Variants in MEX3D observed in about 807,000 individuals in gnomAD.
The protein encoded by MEX3D is RNA-binding protein MEX3D.
A neutral mutation model predicts 6.3 loss-of-function variants in MEX3D; 4 were observed. The ratio of observed to expected loss-of-function variants is 0.64; its 90% CI spans 0.31 to 1.46. The LOEUF (loss-of-function observed/expected upper bound fraction) is 1.46. Among genes scored for constraint, MEX3D ranks in the 40% most tolerant of loss-of-function variants. The probability of loss-of-function intolerance (pLI) is 0.07; values close to 1 mark genes in which losing one functional copy is unlikely to be tolerated. For missense variants in MEX3D, 1,038 were observed against 994.4 expected (o/e 1.04, Z -0.59); for synonymous variants, 626 against 494.1 (o/e 1.27, Z -3.54).
At chr19:1,564,258 C>T (rs72618596) in intron 1 of MEX3D, among the ~76,000 whole-genome samples, 6,432 of 152,074 alleles carry the variant, frequency 0.042, 478 homozygotes, top group East Asian at 0.35. Context: ...AATGGCCAGG[C>T]GCAGTGGCTC....
chr19:1,555,434 C>CA lies in MEX3D; in HGVS notation c.*128dup, dbSNP rs749154466. 2.0e-6 allele frequency: 3 copies of CA among 1,470,170 alleles called. No homozygotes were observed. In the East Asian group the frequency reaches 8.3e-5, roughly 41 times the overall value. 91.1% of individuals were successfully genotyped at this position (1,470,170 alleles called of 1,614,324 possible). On this transcript the variant is annotated 3_prime_UTR_variant, in exon 2 of 2. Coordinates refer to ENST00000402693, the MANE Select transcript of MEX3D (RefSeq NM_203304.4). ...TCATCTGTAAACACTGGCCGCCGCC[C>CA]ACCCCCCTGCCCCCTCGGCCTCCGC...
rs1211005579 is a variant in MEX3D at position 1,556,246 on chromosome 19, T to C, written c.1273A>G (p.Ser425Gly). The change falls in exon 2 of 2, where the codon AGC becomes GGC. Residue 425 changes from serine (S) to glycine (G), a missense_variant. Around this residue, in one of 5 missense-constraint regions of MEX3D, gnomAD observed 581 missense variants for 516.2 expected, o/e 1.13. Coordinates refer to ENST00000402693, the MANE Select transcript of MEX3D (RefSeq NM_203304.4). The surrounding 1 kb of genome is among the most constrained non-coding windows in gnomAD (Gnocchi z 7.5). ...GCGAAGCCCCCGTTGCCGGAGCCGC[T>C]GTAGGGGCTGGCGGGGCCTGGGTCC... ...VPDPGPASPY[S>G]GSGNGGFAFG... 3 of 1,376,728 alleles carry C rather than the reference T, an allele frequency of 2.2e-6. No homozygotes were observed. The highest frequency in any genetic ancestry group is 2.8e-6 in the Non-Finnish European group (3 of 1,068,200). 85.3% of individuals were successfully genotyped at this position (1,376,728 alleles called of 1,614,324 possible).
chr19:1,556,259 G>A lies in MEX3D; in HGVS notation c.1260C>T (p.Pro420=), dbSNP rs1456343546. The change falls in exon 2 of 2, where the codon CCC becomes CCT. Residue 420 remains proline, a synonymous_variant. Transcript: ENST00000402693. The surrounding 1 kb of genome is among the most constrained non-coding windows in gnomAD (Gnocchi z 7.5). ...TGCCGGAGCCGCTGTAGGGGCTGGCGGGGCCTGGGTCCGGCACGGAGGGGC... is the reference window on the plus strand; with the variant it reads ...TGCCGGAGCCGCTGTAGGGGCTGGCAGGGCCTGGGTCCGGCACGGAGGGGC... ...RGGPSVPDPG[P]ASPYSGSGNG... 10 of 1,348,288 alleles carry A rather than the reference G, an allele frequency of 7.4e-6. No homozygotes were observed. The highest frequency in any genetic ancestry group is 3.6e-5 in the East Asian group (1 of 27,606). The allele number at this position is 1,348,288 out of a possible 1,614,324, so 83.5% of individuals were successfully genotyped here. A position where few individuals can be genotyped will look rare whatever the true frequency, so the allele number is the denominator to read the frequency against.
At position 1,555,985 on chromosome 19, in the gene MEX3D, G is replaced by A. The variant is rs1041096650; in HGVS notation, c.1534C>T (p.Arg512Cys). The A allele has an allele frequency of 1.4e-5, 17 of 1,175,176 alleles. No individual in the cohort carries two copies. The highest frequency in any genetic ancestry group is 1.6e-5 in the African/African-American group (1 of 60,702). 72.8% of individuals were successfully genotyped at this position (1,175,176 alleles called of 1,614,324 possible). A position where few individuals can be genotyped will look rare whatever the true frequency, so the allele number is the denominator to read the frequency against. Residue 512 changes from arginine (R) to cysteine (C), a missense_variant, in exon 2 of 2, where the codon CGC (arginine) becomes TGC (cysteine). Physicochemically the swap from Arg to Cys is radical, Grantham distance 180 (BLOSUM62 -3). Around this residue, in one of 5 missense-constraint regions of MEX3D, gnomAD observed 581 missense variants for 516.2 expected, o/e 1.13. Coordinates refer to ENST00000402693, the MANE Select transcript of MEX3D (RefSeq NM_203304.4). ...ARRSSGAGTP[R>C]HSPTLPEPGG... ...GGCTCGGGCAGCGTGGGCGAGTGGC[G>A]GGGGGTCCCGGCCCCACTGCTGCGC... is the stretch of plus-strand genomic sequence containing the variant.
Position 1,564,847 on chromosome 19 carries a change from A to G in MEX3D, c.595+2617T>C, listed in dbSNP as rs376911392. On this transcript the variant is annotated intron_variant, in intron 1 of 1. Transcript: ENST00000402693. ...TCAGAGAGCCCCAGGGTGGAGAGGA[A>G]GGTGAGTAAAGGGGCAGGGCCGGGG... Among the ~76,000 whole-genome samples, 17 of 151,398 alleles carry G rather than the reference A, an allele frequency of 1.1e-4. No homozygotes were observed. In the East Asian group the frequency reaches 2.8e-3, roughly 25 times the overall value.
At chr19:1,558,049 CAAA>C (rs35362564) in intron 1 of MEX3D, among the ~76,000 whole-genome samples, 5 of 83,832 alleles carry the variant, frequency 6.0e-5, no homozygotes, top group Admixed American at 4.2e-4. Context: ...GACTCCATTT[CAAA>C]AAAAAAAAAA....
Position 1,568,094 on chromosome 19 carries a change from C to T in MEX3D, c.-36G>A. 1 of 978,354 alleles carries T rather than the reference C, an allele frequency of 1.0e-6. No individual in the cohort carries two copies. Among genetic ancestry groups the T allele is most frequent in the Non-Finnish European group, 1.2e-6 (1 of 827,584 alleles). 60.6% of individuals were successfully genotyped at this position (978,354 alleles called of 1,614,324 possible). A position where few individuals can be genotyped will look rare whatever the true frequency, so the allele number is the denominator to read the frequency against. The stretch of plus-strand genomic sequence containing the variant: ...AGCGCTGGGGCCCGCGCTCCTGCCG[C>T]CCGCGCCGCCGCCGCCGCCCGCGCC... On this transcript the variant is annotated 5_prime_UTR_variant, in exon 1 of 2. Coordinates refer to ENST00000402693, the MANE Select transcript of MEX3D (RefSeq NM_203304.4).
At chr19:1,557,026 C>T in intron 1 of MEX3D, 103 bp from the exon 2 acceptor site, 2 of 1,369,044 alleles carry the variant, frequency 1.5e-6, no homozygotes, top group Non-Finnish European at 2.0e-6. Flanking sequence ...GCCCCTACCT[C>T]CCAGCCTGTG....
In MEX3D at chr19:1,567,513, G is replaced by A; in HGVS notation, c.546C>T (p.Cys182=). ...CGTGCTCGGAGCTGGGCACCGGGAC[G>A]CACTCGGTCATGTTGACGCTTTTCT... The part of the protein sequence containing the change: ...SRKKSVNMTE[C]VPVPSSEHVA... Residue 182 remains cysteine (C), a synonymous_variant, in exon 1 of 2, where the codon TGC becomes TGT. Coordinates refer to ENST00000402693, the MANE Select transcript of MEX3D (RefSeq NM_203304.4). This position sits in a 1 kb window ranked among gnomAD's most constrained non-coding sequence, Gnocchi z 6.5. 6.4e-7 allele frequency: 1 copy of A among 1,571,514 alleles called. No homozygotes were observed. The highest frequency in any genetic ancestry group is 8.6e-7 in the Non-Finnish European group (1 of 1,160,226).
Position 1,555,399 on chromosome 19 carries a change from C to T in MEX3D, c.*164G>A, listed in dbSNP as rs781023437. 6.2e-7 allele frequency: 1 copy of T among 1,600,662 alleles called. No individual in the cohort carries two copies. The highest frequency in any genetic ancestry group is 8.5e-7 in the Non-Finnish European group (1 of 1,173,518). On this transcript the variant is annotated 3_prime_UTR_variant, in exon 2 of 2. Coordinates refer to ENST00000402693, the MANE Select transcript of MEX3D (RefSeq NM_203304.4). ...GTCTCCGTCTCCACGCCTGAGGCGG[C>T]AGTTAAAGCTCATCTGTAAACACTG...
In MEX3D at chr19:1,567,940, T is replaced by C. The variant is rs890595900; in HGVS notation, c.119A>G (p.Gln40Arg). 3.1e-5 allele frequency: 30 copies of C among 971,912 alleles called. No homozygotes were observed. Among genetic ancestry groups the C allele is most frequent in the South Asian group, 2.8e-4 (6 of 21,288 alleles). 60.2% of individuals were successfully genotyped at this position (971,912 alleles called of 1,614,324 possible). A position where few individuals can be genotyped will look rare whatever the true frequency, so the allele number is the denominator to read the frequency against. ...CGGCCGGGGCGCGGGCGCGGCCTCC[T>C]GGGCGCCCTCGGGCGGGGGCGCAGG... is the stretch of plus-strand genomic sequence containing the variant. ...PGPAPPPEGAQEAAPAPRPPP... is the reference protein window; with the variant it reads ...PGPAPPPEGAREAAPAPRPPP... Residue 40 changes from glutamine to arginine, a missense_variant, in exon 1 of 2, where the codon CAG becomes CGG. Gln to Arg is a conservative substitution (Grantham distance 43, BLOSUM62 1). Coordinates refer to ENST00000402693, the MANE Select transcript of MEX3D (RefSeq NM_203304.4). The surrounding 1 kb of genome is among the most constrained non-coding windows in gnomAD (Gnocchi z 6.5).
rs868695907 is a variant in MEX3D at position 1,556,735 on chromosome 19, C to A, written c.784G>T (p.Gly262Cys). 6.2e-7 allele frequency: 1 copy of A among 1,611,586 alleles called. No homozygotes were observed. Among genetic ancestry groups the A allele is most frequent in the Non-Finnish European group, 8.5e-7 (1 of 1,179,392 alleles). ...AGGTTGGGCGGGCCCTGGGCGGCGC[C>A]GGGCAGACCCCCGGCCTTGCTGCGC... Reference protein sequence around the residue: ...ATRSKAGGLPGAAQGPPNLPG... With the variant: ...ATRSKAGGLPCAAQGPPNLPG... The change falls in exon 2 of 2, where the codon GGC becomes TGC. Residue 262 changes from glycine (G) to cysteine (C), a missense_variant. Physicochemically the swap from Gly to Cys is radical, Grantham distance 159 (BLOSUM62 -3). Coordinates refer to ENST00000402693, the MANE Select transcript of MEX3D (RefSeq NM_203304.4). This position sits in a 1 kb window ranked among gnomAD's most constrained non-coding sequence, Gnocchi z 7.5.
Position 1,555,842 on chromosome 19 carries a change from G to A in MEX3D, c.1677C>T (p.Ser559=). 4 of 1,342,388 alleles carry A rather than the reference G, an allele frequency of 3.0e-6. No homozygotes were observed. The South Asian group carries it at 5.3e-5, about 18-fold the overall frequency. The allele number at this position is 1,342,388 out of a possible 1,614,324, so 83.2% of individuals were successfully genotyped here. The change falls in exon 2 of 2, where the codon TCC becomes TCT. Residue 559 remains serine, a synonymous_variant. Coordinates refer to ENST00000402693, the MANE Select transcript of MEX3D (RefSeq NM_203304.4). The stretch of plus-strand genomic sequence containing the variant: ...GGCTGCTGGGCAGCGAGGTGGCCGT[G>A]GAGAAGGCGGCGCCGCCTGGGAAGG... ...PVSFPGGAAF[S]TATSLPSSPA...
At position 1,567,354 on chromosome 19, in the gene MEX3D, T is replaced by C; in HGVS notation, c.595+110A>G. On this transcript the variant is annotated intron_variant, in intron 1 of 1. Coordinates refer to ENST00000402693, the MANE Select transcript of MEX3D (RefSeq NM_203304.4). The surrounding 1 kb of genome is among the most constrained non-coding windows in gnomAD (Gnocchi z 6.5). Reference sequence around the variant, plus strand: ...GAGGCCGGAGCCCACGCGGGGCGTGTCCGGTGCGGGGCGTCCGGCGCGGGC... The same window carrying C: ...GAGGCCGGAGCCCACGCGGGGCGTGCCCGGTGCGGGGCGTCCGGCGCGGGC... The C allele has an allele frequency of 8.1e-7, 1 of 1,241,892 alleles. No individual in the cohort carries two copies. Among genetic ancestry groups the C allele is most frequent in the Non-Finnish European group, 1.0e-6 (1 of 963,720 alleles). 76.9% of individuals were successfully genotyped at this position (1,241,892 alleles called of 1,614,324 possible). A position where few individuals can be genotyped will look rare whatever the true frequency, so the allele number is the denominator to read the frequency against.
In MEX3D at chr19:1,567,957, G is replaced by T; in HGVS notation, c.102C>A (p.Pro34=). 1 of 978,702 alleles carries T rather than the reference G, an allele frequency of 1.0e-6. No homozygotes were observed. Among genetic ancestry groups the T allele is most frequent in the South Asian group, 4.6e-5 (1 of 21,968 alleles). The allele number at this position is 978,702 out of a possible 1,614,324, so 60.6% of individuals were successfully genotyped here. ...AGEDPGPGPA[P]PPEGAQEAAP... Reference sequence around the variant, plus strand: ...CGGCCTCCTGGGCGCCCTCGGGCGGGGGCGCAGGTCCGGGTCCGGGGTCCT... The same window carrying T: ...CGGCCTCCTGGGCGCCCTCGGGCGGTGGCGCAGGTCCGGGTCCGGGGTCCT... The change falls in exon 1 of 2, where the codon CCC becomes CCA. Residue 34 remains proline, a synonymous_variant. Coordinates refer to ENST00000402693, the MANE Select transcript of MEX3D (RefSeq NM_203304.4). The surrounding 1 kb of genome is among the most constrained non-coding windows in gnomAD (Gnocchi z 6.5).
At chr19:1,559,696 G>C (rs1256769509) in intron 1 of MEX3D, among the ~76,000 whole-genome samples, 2 of 152,232 alleles carry the variant, frequency 1.3e-5, no homozygotes, top group Admixed American at 1.3e-4. Flanking sequence ...CTCCCACAGT[G>C]CAAGAGATGA....
Position 1,567,787 on chromosome 19 carries a change from C to CCACGCCG in MEX3D, c.271_272insCGGCGTG (p.Gly91AlafsTer20). On this transcript the variant is annotated frameshift_variant, in exon 1 of 2. Transcript: ENST00000402693. LOFTEE classifies it high-confidence loss of function. The surrounding 1 kb of genome is among the most constrained non-coding windows in gnomAD (Gnocchi z 6.5). ...CGGAGCCGCCCCGCCGTCCGCGCCC[C>CCACGCCG]CCGCCGCCGCTGCGCCGTCCCCGGC... is the stretch of plus-strand genomic sequence containing the variant. 1 of 964,956 alleles carries CCACGCCG rather than the reference C, an allele frequency of 1.0e-6. No individual in the cohort carries two copies. The highest frequency in any genetic ancestry group is 1.2e-6 in the Non-Finnish European group (1 of 811,354). The allele number at this position is 964,956 out of a possible 1,614,324, so 59.8% of individuals were successfully genotyped here.
At position 1,556,421 on chromosome 19, in the gene MEX3D, G is replaced by A. The variant is rs1363716276; in HGVS notation, c.1098C>T (p.Leu366=). ...TGGCCCAGAGGCTGGCGGCCGCCCC[G>A]AGCAGGTCCAGGCAGACGTCGGTGC... ...ANGTDVCLDL[L]GAAASLWAKT... The change falls in exon 2 of 2, where the codon CTC becomes CTT. Residue 366 remains leucine (L), a synonymous_variant. Transcript: ENST00000402693. This position sits in a 1 kb window ranked among gnomAD's most constrained non-coding sequence, Gnocchi z 7.5. 8.8e-6 allele frequency: 14 copies of A among 1,588,164 alleles called. No homozygotes were observed. In the South Asian group the frequency reaches 8.8e-5, roughly 10 times the overall value.
intron 1 of MEX3D, among the ~76,000 whole-genome samples, chr19:1,563,582 G>A (rs1019354583): frequency 4.6e-5 from 7 of 152,176 alleles, no homozygotes; most frequent in Non-Finnish European, 7.3e-5. Context: ...CCTGGCAAGC[G>A]GGGTGAGAAA....
Sources: gnomAD v4.1 joint callset for allele counts (sites outside exome capture counted in the v4.1 genomes callset) on GRCh38, gnomAD v4.1.1 for gene constraint, gnomAD v4.1.1 regional missense constraint, Gnocchi (gnomAD v3.1) non-coding constraint, MANE v1.5 for transcripts, NCBI Gene and HGNC (gene_info 2026-07-23, HGNC 2026-07-21) for gene names.